PAX8: variants seen among roughly 807,000 people sequenced by gnomAD.
PAX8 encodes paired box 8.
A neutral mutation model predicts 52.4 loss-of-function variants in PAX8; 15 were observed. The observed-to-expected ratio is 0.29, with a 90% CI of 0.19 to 0.44. The LOEUF is 0.44. PAX8 is among the 20% of genes least tolerant of loss of function. The pLI is 1.00. For synonymous variants in PAX8, 284 were observed against 249.7 expected, an observed-to-expected ratio of 1.14 and a Z score of -1.29; for missense variants, 554 against 602.5, an observed-to-expected ratio of 0.92 and a Z score of 0.84.
At chr2:113,278,562 A>T (rs1693993285) in intron 1 of PAX8, 93 bp from the exon 2 acceptor site, 3 of 1,116,448 alleles carry the variant, frequency 2.7e-6, no homozygotes, top group East Asian at 2.6e-5. Flanking sequence ...TTACACCTGC[A>T]TCGTCTGCCA....
At chr2:113,253,249 C>A (rs1221270463) in intron 2 of PAX8, among the ~76,000 whole-genome samples, 1 of 152,152 alleles carries the variant, frequency 6.6e-6, no homozygotes, top group Non-Finnish European at 1.5e-5. Flanking sequence ...GTTTCTCTCC[C>A]CCTTCAAGGC....
intron 2 of PAX8, 40 bp from the exon 3 acceptor site, chr2:113,246,959 G>A (rs1266742939): frequency 4.4e-6 from 7 of 1,586,752 alleles, no homozygotes; most frequent in Non-Finnish European, 6.0e-6. Context: ...GTCAGGGTCA[G>A]GTAGGAGTTT....
chr2:113,218,476 G>C lies in PAX8; in HGVS notation c.*57C>G. 1 of 996,918 alleles carries C rather than the reference G, an allele frequency of 1.0e-6. No individual in the cohort carries two copies. Among genetic ancestry groups the C allele is most frequent in the Non-Finnish European group, 1.5e-6 (1 of 674,532 alleles). The allele number at this position is 996,918 out of a possible 1,614,324, so 61.8% of individuals were successfully genotyped here. A position where few individuals can be genotyped will look rare whatever the true frequency, so the allele number is the denominator to read the frequency against. On this transcript the variant is annotated 3_prime_UTR_variant, in exon 12 of 12. Transcript: ENST00000429538. ...AGATTCCTTTGTGTGACTCTCTGGGGCCTGTCCCAGGCTGAGTCCTCCTGT... is the reference window on the plus strand; with the variant it reads ...AGATTCCTTTGTGTGACTCTCTGGGCCCTGTCCCAGGCTGAGTCCTCCTGT...
chr2:113,269,773 G>A (rs1479063011), intron 2 of PAX8: 3 of 152,162 alleles, frequency 2.0e-5, no homozygotes, highest in Non-Finnish European at 4.4e-5. Flanking sequence ...ATATGATTCC[G>A]TGTCAATTAA....
intron 2 of PAX8, among the ~76,000 whole-genome samples, chr2:113,259,860 A>G (rs1342415183): frequency 6.6e-6 from 1 of 152,224 alleles, no homozygotes; most frequent in Non-Finnish European, 1.5e-5. Context: ...GGGCTGTGGA[A>G]GGGCCCTCTG....
chr2:113,237,497 A>G (rs763895187), intron 7 of PAX8: 27 of 152,226 alleles, frequency 1.8e-4, no homozygotes, highest in Admixed American at 1.7e-3. Flanking sequence ...ATCCAAACAA[A>G]TAGAAGTGTG....
At chr2:113,269,133 C>A (rs1693303867) in intron 2 of PAX8, 1 of 152,228 alleles carries the variant, frequency 6.6e-6, no homozygotes, top group African/African-American at 2.4e-5. Context: ...AGGCATGGAG[C>A]CTAGGCATTG....
chr2:113,270,196 C>T (rs1448039886), intron 2 of PAX8: 4 of 152,198 alleles, frequency 2.6e-5, no homozygotes, highest in African/African-American at 9.7e-5. Context: ...GTGGCTGTTT[C>T]ACAGGAAATA....
At chr2:113,254,462 G>C (rs1472974535) in intron 2 of PAX8, among the ~76,000 whole-genome samples, 1 of 152,162 alleles carries the variant, frequency 6.6e-6, no homozygotes, top group Non-Finnish European at 1.5e-5. Context: ...CATGTAACCT[G>C]AGTGGAAGGT....
chr2:113,252,456 G>C (rs981355585), intron 2 of PAX8, among the ~76,000 whole-genome samples: 3 of 152,174 alleles, frequency 2.0e-5, no homozygotes, highest in Non-Finnish European at 4.4e-5. Context: ...TGCTCCTGAA[G>C]AAAGTGTCCC....
At chr2:113,269,106 A>AGTT (rs1479992735) in intron 2 of PAX8, 1 of 152,266 alleles carries the variant, frequency 6.6e-6, no homozygotes, top group Non-Finnish European at 1.5e-5. Context: ...CAGAGGGGAA[A>AGTT]GTTTGCATAT....
intron 7 of PAX8, chr2:113,238,687 G>T (rs1690566766): frequency 6.6e-6 from 1 of 152,078 alleles, no homozygotes; most frequent in Non-Finnish European, 1.5e-5. Flanking sequence ...GCAATGACCT[G>T]CCAAGTAGCT....
At chr2:113,231,801 T>C (rs753373568) in intron 9 of PAX8, among the ~76,000 whole-genome samples, 3 of 152,216 alleles carry the variant, frequency 2.0e-5, no homozygotes, top group Admixed American at 6.5e-5. Flanking sequence ...CGATCTCGGC[T>C]CACCGCAACC....
At chr2:113,233,827 A>G (rs1690067495) in intron 9 of PAX8, among the ~76,000 whole-genome samples, 1 of 152,176 alleles carries the variant, frequency 6.6e-6, no homozygotes, top group Non-Finnish European at 1.5e-5. Flanking sequence ...CTAAAAGAGC[A>G]GTTCTTCAGG....
intron 2 of PAX8, chr2:113,274,006 TTC>T (rs569922773): frequency 2.0e-5 from 3 of 152,196 alleles, no homozygotes; most frequent in Non-Finnish European, 4.4e-5. Context: ...GTGATTGTGT[TTC>T]TCTCATTCCA....
intron 10 of PAX8, chr2:113,220,395 G>A (rs1354222721): frequency 3.6e-5 from 20 of 548,798 alleles, no homozygotes; most frequent in Non-Finnish European, 1.6e-5. Context: ...CTTTTCCGTA[G>A]GTACTGGAGG....
intron 8 of PAX8, chr2:113,235,858 CG>C: frequency 2.1e-6 from 1 of 481,052 alleles, no homozygotes; most frequent in South Asian, 2.9e-5. Flanking sequence ...CGCGGAGACC[CG>C]GGAGCGGCCT....
chr2:113,262,850 T>G (rs1692786693), intron 2 of PAX8, among the ~76,000 whole-genome samples: 2 of 152,174 alleles, frequency 1.3e-5, no homozygotes, highest in African/African-American at 4.8e-5. Flanking sequence ...AGGAAACAAC[T>G]CTTCTGACCC....
At chr2:113,234,261 A>C (rs544961411) in intron 9 of PAX8, among the ~76,000 whole-genome samples, 1 of 152,306 alleles carries the variant, frequency 6.6e-6, no homozygotes, top group East Asian at 1.9e-4. Context: ...GGCCCTCTCC[A>C]ACCCAAGCCA....
Sources: allele counts gnomAD v4.1 joint callset (sites outside exome capture counted in the v4.1 genomes callset), GRCh38; gene constraint gnomAD v4.1.1; transcripts MANE v1.5; gene names NCBI Gene and HGNC (gene_info 2026-07-23, HGNC 2026-07-21).